SPOCK2: variants seen among roughly 807,000 people sequenced by gnomAD.
SPOCK2 encodes the protein SPARC (osteonectin), cwcv and kazal like domains proteoglycan 2.
In SPOCK2, 39 loss-of-function variants were observed where a neutral mutation model predicts 60.1. The observed-to-expected ratio is 0.65, with a 90% confidence interval of 0.50 to 0.85. The LOEUF is 0.85. SPOCK2 is among the 40% of genes least tolerant of loss of function. The pLI, the probability that SPOCK2 is intolerant of heterozygous loss-of-function variation, is 0.00. For synonymous variants in SPOCK2, 217 were observed against 231.5 expected (o/e 0.94, Z 0.57); for missense variants, 523 against 567.4 (o/e 0.92, Z 0.80).
At chr10:72,067,500 G>A in intron 7 of SPOCK2, 113 bp downstream of exon 7, 1 of 1,527,004 alleles carries the variant, frequency 6.5e-7, no homozygotes. Context: ...CCAGATTGTA[G>A]GGCCCAGAGT....
intron 1 of SPOCK2, among the ~76,000 whole-genome samples, chr10:72,083,449 C>T (rs1411081989): frequency 6.6e-6 from 1 of 152,240 alleles, no homozygotes; most frequent in African/African-American, 2.4e-5. Flanking sequence ...TGTCCCCTCA[C>T]TGGGAAGATG....
intron 6 of SPOCK2, 25 bp downstream of exon 6, chr10:72,068,162 C>T (rs979434793): frequency 1.3e-6 from 2 of 1,594,218 alleles, no homozygotes; most frequent in Non-Finnish European, 1.7e-6. Flanking sequence ...GCACCCCTAG[C>T]CTGGTGGCCC....
Position 72,072,514 on chromosome 10 carries a change from T to G in SPOCK2, c.233A>C (p.Gln78Pro), listed in dbSNP as rs550038905. The G allele has an allele frequency of 6.2e-7, 1 of 1,614,018 alleles. No homozygotes were observed. The highest frequency in any genetic ancestry group is 8.5e-7 in the Non-Finnish European group (1 of 1,180,022). The change falls in exon 3 of 11, where the codon CAA (glutamine) becomes CCA (proline). Residue 78 changes from glutamine (Q) to proline (P), a missense_variant. Transcript: ENST00000373109. The stretch of plus-strand genomic sequence containing the variant: ...GAGAGTCATGTTACCTTCATCTCCT[T>G]GCTGATTGTCCTCCCAGCTCTTGAT... Reference protein sequence around the residue: ...DYIKSWEDNQQGDEALDTTKD... With the variant: ...DYIKSWEDNQPGDEALDTTKD...
At chr10:72,071,876 G>A (rs918305709) in intron 4 of SPOCK2, among the ~76,000 whole-genome samples, 3 of 151,814 alleles carry the variant, frequency 2.0e-5, no homozygotes, top group African/African-American at 4.8e-5. Context: ...GGATCCTCCA[G>A]CCCGACAAGC....
intron 1 of SPOCK2, among the ~76,000 whole-genome samples, chr10:72,079,592 G>T (rs913587504): frequency 6.6e-6 from 1 of 152,138 alleles, no homozygotes; most frequent in Admixed American, 6.5e-5. Flanking sequence ...GCACATGCTG[G>T]GTGTTTCCAA....
At chr10:72,063,838 T>C in intron 9 of SPOCK2, among the ~76,000 whole-genome samples, 1 of 152,214 alleles carries the variant, frequency 6.6e-6, no homozygotes, top group Non-Finnish European at 1.5e-5. Flanking sequence ...TGAGTGTCAC[T>C]CAGGGAGTGG....
chr10:72,062,807 C>A lies in SPOCK2; in HGVS notation c.1228G>T (p.Glu410Ter). 6.2e-7 allele frequency: 1 copy of A among 1,609,906 alleles called. No individual in the cohort carries two copies. The highest frequency in any genetic ancestry group is 8.5e-7 in the Non-Finnish European group (1 of 1,179,832). The change falls in exon 11 of 11, where the codon GAG becomes TAG. Residue 410 changes from glutamate (E) to a stop codon, truncating the protein, a stop_gained. Transcript: ENST00000373109. LOFTEE classifies it high-confidence loss of function. This position sits in a 1 kb window ranked among gnomAD's most constrained non-coding sequence, Gnocchi z 4.3. The stretch of plus-strand genomic sequence containing the variant: ...TCAGCCTCGCCTGCCTCGCCCTCCT[C>A]CTCCTCGGCCTCCTCGCCTGCTTCC... ...TEEAGEEAEE[E>*]EGEAGEADDG...
Position 72,088,245 on chromosome 10 carries a change from C to T in SPOCK2, c.84G>A (p.Gly28=). 4 of 1,611,122 alleles carry T rather than the reference C, an allele frequency of 2.5e-6. No homozygotes were observed. Among genetic ancestry groups the T allele is most frequent in the Non-Finnish European group, 3.4e-6 (4 of 1,179,448 alleles). Residue 28 remains glycine, a synonymous_variant, in exon 1 of 11, where the codon GGG becomes GGA. Transcript: ENST00000373109. ...TGCCGGGGGTCTCGCCCTCCTTGAG[C>T]CCCTTGGCGTCGCCTTCGGCCAGGG... The part of the protein sequence containing the change: ...AAALAEGDAK[G]LKEGETPGNF...
chr10:72,079,011 C>T (rs561033033), intron 1 of SPOCK2, among the ~76,000 whole-genome samples: 1 of 152,186 alleles, frequency 6.6e-6, no homozygotes, highest in South Asian at 2.1e-4. Context: ...GCAATTACCA[C>T]GTGGCAAGCA....
Position 72,063,106 on chromosome 10 carries a change from G to A in SPOCK2, c.1048C>T (p.Gln350Ter). The change falls in exon 10 of 11, where the codon CAG (glutamine) becomes TAG (stop). Residue 350 changes from glutamine (Q) to a stop codon, truncating the protein, a stop_gained. Transcript: ENST00000373109. LOFTEE classifies it high-confidence loss of function. ...ACACACCAGCAGTCACCGCTGCTCTGGTCACACTGCATCTTCCGGTAGTAG... is the reference window on the plus strand; with the variant it reads ...ACACACCAGCAGTCACCGCTGCTCTAGTCACACTGCATCTTCCGGTAGTAG... ...DGYYRKMQCD[Q>*]SSGDCWCVDQ... 1 of 1,555,788 alleles carries A rather than the reference G, an allele frequency of 6.4e-7. No homozygotes were observed. The highest frequency in any genetic ancestry group is 8.7e-7 in the Non-Finnish European group (1 of 1,149,302).
At chr10:72,088,111 T>C (rs1840888326) in intron 1 of SPOCK2, 29 bp downstream of exon 1, 1 of 1,608,106 alleles carries the variant, frequency 6.2e-7, no homozygotes, top group Non-Finnish European at 8.5e-7. Context: ...CAACCCCGGG[T>C]CTCTGCCTTG....
chr10:72,087,499 C>G lies in SPOCK2; in HGVS notation c.189+641G>C, dbSNP rs1166590510. On this transcript the variant is annotated intron_variant, in intron 1 of 10. Coordinates refer to ENST00000373109, the MANE Select transcript of SPOCK2 (RefSeq NM_001244950.2). This position sits in a 1 kb window ranked among gnomAD's most constrained non-coding sequence, Gnocchi z 4.7. ...GTCCGGGAAAACCAGCCTGGGTCCT[C>G]GCGCGCCCTTCTGCACGGGGACCCC... Among the ~76,000 whole-genome samples the G allele has an allele frequency of 7.2e-5, 11 of 152,180 alleles. No individual in the cohort carries two copies. Among genetic ancestry groups the G allele is most frequent in the African/African-American group, 2.7e-4 (11 of 41,446 alleles).
chr10:72,077,452 C>T (rs562970397), intron 1 of SPOCK2, among the ~76,000 whole-genome samples: 1 of 152,274 alleles, frequency 6.6e-6, no homozygotes, highest in African/African-American at 2.4e-5. Flanking sequence ...TTAAACCTTC[C>T]AGCACGCACA....
In SPOCK2 at chr10:72,070,335, C is replaced by T. The variant is rs772880240; in HGVS notation, c.451G>A (p.Asp151Asn). The change falls in exon 5 of 11, where the codon GAT becomes AAT. Residue 151 changes from aspartate to asparagine, a missense_variant. Asp to Asn is a conservative substitution (Grantham distance 23). Transcript: ENST00000373109. The stretch of plus-strand genomic sequence containing the variant: ...ACCACAGAGCTGTAAGTGTGGCCAT[C>T]TGAGCCGCAGACAGAGGCAAGCTGG... The part of the protein sequence containing the change: ...MAQLASVCGS[D>N]GHTYSSVCKL... 9 of 1,614,068 alleles carry T rather than the reference C, an allele frequency of 5.6e-6. No homozygotes were observed. In the Admixed American group the frequency reaches 1.2e-4, roughly 21 times the overall value.
At chr10:72,080,120 T>C (rs1168841754) in intron 1 of SPOCK2, among the ~76,000 whole-genome samples, 1 of 151,918 alleles carries the variant, frequency 6.6e-6, no homozygotes, top group Non-Finnish European at 1.5e-5. Flanking sequence ...AGGGTCTCAG[T>C]GTTACAAGGG....
chr10:72,083,215 A>G (rs1327160302), intron 1 of SPOCK2, among the ~76,000 whole-genome samples: 1 of 152,162 alleles, frequency 6.6e-6, no homozygotes, highest in Non-Finnish European at 1.5e-5. Context: ...GAAAAAAGAG[A>G]ATCTCTTCCT....
rs943643428 is a variant in SPOCK2 at position 72,072,053 on chromosome 10, G to C, written c.359+91C>G. 68 of 1,013,772 alleles carry C rather than the reference G, an allele frequency of 6.7e-5. No individual in the cohort carries two copies. The African/African-American group carries it at 1.0e-3, about 16-fold the overall frequency. 62.8% of individuals were successfully genotyped at this position (1,013,772 alleles called of 1,614,324 possible). The stretch of plus-strand genomic sequence containing the variant: ...AAGTTTTACAATTTATTTAACAGCA[G>C]TAGATGGCTAATTCATAAGGAGAGG... On this transcript the variant is annotated intron_variant, in intron 4 of 10. Transcript: ENST00000373109.
rs796503426 is a variant in SPOCK2 at position 72,062,117 on chromosome 10, C to A, written c.*643G>T. ...AGGGACAGGGCTTGCTGTGGCTGGG[C>A]GTCCTGGCCCGTCTCATCTGAGGCT... On this transcript the variant is annotated 3_prime_UTR_variant, in exon 11 of 11. Coordinates refer to ENST00000373109, the MANE Select transcript of SPOCK2 (RefSeq NM_001244950.2). The surrounding 1 kb of genome is among the most constrained non-coding windows in gnomAD (Gnocchi z 4.3). The A allele has an allele frequency of 4.6e-5, 7 of 152,596 alleles. No individual in the cohort carries two copies. Among genetic ancestry groups the A allele is most frequent in the African/African-American group, 1.7e-4 (7 of 41,578 alleles). The allele number at this position is 152,596 out of a possible 1,614,324, so 9.5% of individuals were successfully genotyped here. A position where few individuals can be genotyped will look rare whatever the true frequency, so the allele number is the denominator to read the frequency against.
chr10:72,072,422 C>A lies in SPOCK2; in HGVS notation c.244+81G>T, dbSNP rs1840660694. ...GGGGCCTGGCTGCTCAAGGAGCCCCCAAGCGGGCTAAGGGCTTGCCCTCTG... is the reference window on the plus strand; with the variant it reads ...GGGGCCTGGCTGCTCAAGGAGCCCCAAAGCGGGCTAAGGGCTTGCCCTCTG... On this transcript the variant is annotated intron_variant, in intron 3 of 10. Coordinates refer to ENST00000373109, the MANE Select transcript of SPOCK2 (RefSeq NM_001244950.2). 1.9e-6 allele frequency: 3 copies of A among 1,594,684 alleles called. No individual in the cohort carries two copies. The African/African-American group carries it at 4.0e-5, about 21-fold the overall frequency.
Sources: allele counts gnomAD v4.1 joint callset (sites outside exome capture counted in the v4.1 genomes callset), GRCh38; gene constraint gnomAD v4.1.1; non-coding constraint Gnocchi (gnomAD v3.1); transcripts MANE v1.5; gene names NCBI Gene and HGNC (gene_info 2026-07-23, HGNC 2026-07-21).